The following GRK3 variants were observed in gnomAD, a reference collection of about 807,000 sequenced individuals.
The protein encoded by GRK3 is adrenergic, beta, receptor kinase 2.
Under a neutral mutation model 95.7 loss-of-function variants are expected in GRK3, and 54 were observed. The observed-to-expected ratio is 0.56, with a 90% CI of 0.45 to 0.71. GRK3 has a LOEUF of 0.71. GRK3 is among the 30% of genes least tolerant of loss of function. The pLI, the probability that GRK3 is intolerant of heterozygous loss-of-function variation, is 0.00. For missense variants in GRK3, 649 were observed against 851.2 expected (o/e 0.76, Z 2.96); for synonymous variants, 281 against 290.8 (o/e 0.97, Z 0.34).
rs751862197 is a variant in GRK3, at chr22:25,687,590, A to G, written c.880A>G (p.Met294Val). 1 of 1,614,018 alleles carries G rather than the reference A, an allele frequency of 6.2e-7. No homozygotes were observed. The highest frequency in any genetic ancestry group is 8.5e-7 in the Non-Finnish European group (1 of 1,179,932). The change falls in exon 11 of 21, where the codon ATG (methionine) becomes GTG (valine). Residue 294 changes from methionine (M) to valine (V), a missense_variant. Met to Val is a conservative substitution (Grantham distance 21). Coordinates refer to ENST00000324198, the MANE Select transcript of GRK3 (RefSeq NM_005160.4). Reference sequence around the variant, plus strand: ...ACACGGTGTGTTCTCTGAGAAGGAGATGCGGTTTTATGCCACTGAAATCAT... The same window carrying G: ...ACACGGTGTGTTCTCTGAGAAGGAGGTGCGGTTTTATGCCACTGAAATCAT... ...SQHGVFSEKEMRFYATEIILG... is the reference protein window; with the variant it reads ...SQHGVFSEKEVRFYATEIILG...
intron 2 of GRK3, among the ~76,000 whole-genome samples, chr22:25,635,305 C>G (rs1159309221): frequency 6.6e-6 from 1 of 152,134 alleles, no homozygotes; most frequent in Non-Finnish European, 1.5e-5. Context: ...GACATCACTC[C>G]TCTTGACCAT....
chr22:25,577,180 T>C (rs1265695996), intron 1 of GRK3, among the ~76,000 whole-genome samples: 1 of 146,088 alleles, frequency 6.8e-6, no homozygotes. Context: ...AATAAAGGAT[T>C]TTTTTTTTTT....
intron 7 of GRK3, among the ~76,000 whole-genome samples, chr22:25,672,727 G>A (rs2084993051): frequency 6.6e-6 from 1 of 151,968 alleles, no homozygotes; most frequent in African/African-American, 2.4e-5. Flanking sequence ...TACAAATTGA[G>A]TATCATAATG....
Position 25,690,206 on chromosome 22 carries a change from G to A in GRK3, c.975G>A (p.Leu325=). 1.2e-6 allele frequency: 2 copies of A among 1,613,828 alleles called. No individual in the cohort carries two copies. The highest frequency in any genetic ancestry group is 1.7e-6 in the Non-Finnish European group (2 of 1,179,838). The change falls in exon 12 of 21, where the codon TTG becomes TTA. Residue 325 remains leucine, a synonymous_variant. Coordinates refer to ENST00000324198, the MANE Select transcript of GRK3 (RefSeq NM_005160.4). ...YRDLKPANIL[L]DEHGHARISD... is the part of the protein sequence containing the mutation. ...CTGTTTAGCCAGCAAATATTCTCTT[G>A]GATGAACATGGACACGCAAGAATAT...
chr22:25,639,649 G>T (rs979282171), intron 2 of GRK3, among the ~76,000 whole-genome samples: 3 of 151,964 alleles, frequency 2.0e-5, no homozygotes, highest in African/African-American at 7.2e-5. Context: ...GGTATTCTAG[G>T]TTTTTTGCAT....
intron 2 of GRK3, among the ~76,000 whole-genome samples, chr22:25,617,060 T>C (rs1453812237): frequency 6.6e-6 from 1 of 152,206 alleles, no homozygotes; most frequent in Admixed American, 6.5e-5. Context: ...AGAGTCCTTC[T>C]AGGCCCCCAG....
intron 1 of GRK3, among the ~76,000 whole-genome samples, chr22:25,569,136 A>G (rs1403690461): frequency 5.9e-5 from 9 of 152,216 alleles, no homozygotes; most frequent in Non-Finnish European, 2.9e-5. Flanking sequence ...CTCATAGCCT[A>G]ATTTTGAACT....
chr22:25,668,823 A>T (rs1335785428), intron 6 of GRK3, among the ~76,000 whole-genome samples: 1 of 152,106 alleles, frequency 6.6e-6, no homozygotes, highest in Non-Finnish European at 1.5e-5. Flanking sequence ...GAAGGGAGAG[A>T]GGGGAAGGTA....
At position 25,706,393 on chromosome 22, in the gene GRK3, T is replaced by C. The variant is rs1000907528; in HGVS notation, c.1328+2184T>C. Reference sequence around the variant, plus strand: ...CACTGTGGTGAGCTGGAGCTCAGCATGCTGGCTCCGTCCCCAGGGCAGTAG... The same window carrying C: ...CACTGTGGTGAGCTGGAGCTCAGCACGCTGGCTCCGTCCCCAGGGCAGTAG... On this transcript the variant is annotated intron_variant, in intron 15 of 20. Transcript: ENST00000324198. 2.0e-5 allele frequency among the ~76,000 whole-genome samples: 3 copies of C among 152,296 alleles called. No homozygotes were observed. The East Asian group carries it at 5.8e-4, about 29-fold the overall frequency.
Position 25,571,507 on chromosome 22 carries a change from A to G in GRK3, c.113+6354A>G, listed in dbSNP as rs146427006. 2.3e-3 allele frequency among the ~76,000 whole-genome samples: 345 copies of G among 152,312 alleles called. 1 individual carries two copies. The highest frequency in any genetic ancestry group is 0.021 in the Middle Eastern group (6 of 292). On this transcript the variant is annotated intron_variant, in intron 1 of 20. Coordinates refer to ENST00000324198, the MANE Select transcript of GRK3 (RefSeq NM_005160.4). ...CGGATAACTCAAACAAAAAGATGAG[A>G]AGGAATATTAAAAGAAATGATTAAA...
chr22:25,647,048 AAG>A (rs2084789907), intron 3 of GRK3, among the ~76,000 whole-genome samples: 1 of 150,874 alleles, frequency 6.6e-6, no homozygotes, highest in Non-Finnish European at 1.5e-5. Context: ...AAAAAAGAAA[AAG>A]AAAAAAAATG....
At chr22:25,628,483 A>T (rs1445844448) in intron 2 of GRK3, among the ~76,000 whole-genome samples, 1 of 152,202 alleles carries the variant, frequency 6.6e-6, no homozygotes, top group East Asian at 1.9e-4. Flanking sequence ...TATGTAAATT[A>T]TGAGATGGAA....
chr22:25,672,475 CA>C (rs1481929112), intron 7 of GRK3, 128 bp downstream of exon 7: 6 of 631,678 alleles, frequency 9.5e-6, no homozygotes, highest in Non-Finnish European at 1.7e-5. Context: ...GTCTGTCTTA[CA>C]GCTTTAAGTA....
intron 2 of GRK3, among the ~76,000 whole-genome samples, chr22:25,641,550 C>T (rs554601686): frequency 5.3e-5 from 8 of 152,156 alleles, no homozygotes; most frequent in South Asian, 4.2e-4. Flanking sequence ...TTTTGCTCAT[C>T]GTAAGTGCTA....
chr22:25,710,312 T>A (rs2085334253), intron 16 of GRK3, among the ~76,000 whole-genome samples: 1 of 152,230 alleles, frequency 6.6e-6, no homozygotes, highest in African/African-American at 2.4e-5. Context: ...TTGCTCTTCT[T>A]CTTGAATTCT....
intron 8 of GRK3, among the ~76,000 whole-genome samples, chr22:25,676,713 A>C (rs2146419873): frequency 6.6e-6 from 1 of 152,120 alleles, no homozygotes; most frequent in Non-Finnish European, 1.5e-5. Flanking sequence ...AGGAAATAAT[A>C]TCAACTTATC....
intron 1 of GRK3, among the ~76,000 whole-genome samples, chr22:25,592,313 A>G (rs781251641): frequency 2.0e-5 from 3 of 152,138 alleles, no homozygotes; most frequent in Non-Finnish European, 4.4e-5. Context: ...TCATTTGCCC[A>G]TTTTTTATTA....
At chr22:25,605,342 A>T (rs1187565045) in intron 2 of GRK3, among the ~76,000 whole-genome samples, 1 of 152,186 alleles carries the variant, frequency 6.6e-6, no homozygotes, top group African/African-American at 2.4e-5. Context: ...AGATAAGTTA[A>T]AAGAGTTTGG....
chr22:25,635,645 C>T (rs953556687), intron 2 of GRK3, among the ~76,000 whole-genome samples: 7 of 152,158 alleles, frequency 4.6e-5, no homozygotes, highest in African/African-American at 1.7e-4. Flanking sequence ...GGTCAGATGT[C>T]GTGTTGTTCT....
Sources: gnomAD v4.1 joint callset for allele counts (sites outside exome capture counted in the v4.1 genomes callset) on GRCh38, gnomAD v4.1.1 for gene constraint, MANE v1.5 for transcripts, NCBI Gene and HGNC (gene_info 2026-07-23, HGNC 2026-07-21) for gene names.